LARP4B: variants seen among roughly 807,000 people sequenced by gnomAD.
LARP4B encodes the protein la-related protein 4B.
LARP4B carries 12 observed loss-of-function variants against 89.8 expected under a neutral mutation model. The observed-to-expected ratio is 0.13, with a 90% confidence interval of 0.09 to 0.22. The LOEUF (loss-of-function observed/expected upper bound fraction) is 0.22. Among genes scored for constraint, LARP4B ranks in the 10% least tolerant of loss-of-function variants. LARP4B has a pLI of 1.00. For synonymous variants in LARP4B, 367 were observed against 363.3 expected, an observed-to-expected ratio of 1.01 and a Z score of -0.12; for missense variants, 757 against 947.7, an observed-to-expected ratio of 0.80 and a Z score of 2.64.
At chr10:971,013 A>T in the LARP4B span, 1 of 152,252 alleles carries the variant, frequency 6.6e-6, no homozygotes, top group African/African-American at 2.4e-5. Context: ...AAGCAGCATT[A>T]GTGCACACGG....
chr10:807,100 G>A (rs1274249666), downstream of LARP4B: 1 of 152,236 alleles, frequency 6.6e-6, no homozygotes, highest in South Asian at 2.1e-4. Context: ...AAAAGAAAGA[G>A]CTGGAATGCC....
intron 3 of LARP4B, among the ~76,000 whole-genome samples, chr10:875,898 C>T (rs960989511): frequency 1.3e-5 from 2 of 152,204 alleles, no homozygotes; most frequent in African/African-American, 2.4e-5. Context: ...GCAAAAAATA[C>T]TCATTCCATC....
Position 833,249 on chromosome 10 carries a change from TAAAAAAAAAA to T in LARP4B, c.751-2282_751-2273del, listed in dbSNP as rs56788542. On this transcript the variant is annotated intron_variant, in intron 8 of 17. Transcript: ENST00000316157. ...AACACTAACGATAGCTGATGAGCTTTAAAAAAAAAAAAAAAAAAAAAAAAAAAAAAAAAAA... is the reference window on the plus strand; with the variant it reads ...AACACTAACGATAGCTGATGAGCTTTAAAAAAAAAAAAAAAAAAAAAAAAA... Among the ~76,000 whole-genome samples the T allele has an allele frequency of 1.8e-3, 94 of 52,040 alleles. 2 individuals carry two copies. The highest frequency in any genetic ancestry group is 8.9e-3 in the South Asian group (6 of 672). The allele number at this position is 52,040 out of a possible 152,430, so 34.1% of individuals were successfully genotyped here.
At chr10:864,394 C>A in intron 3 of LARP4B, 124 bp from the exon 4 acceptor site, 4 of 729,486 alleles carry the variant, frequency 5.5e-6, no homozygotes, top group Non-Finnish European at 8.7e-6. Flanking sequence ...TATTTATACA[C>A]ACCTTTGGAA....
rs369269083 is a variant in LARP4B at position 912,313 on chromosome 10, A to G, written c.-40+19115T>C. Among the ~76,000 whole-genome samples the G allele has an allele frequency of 3.9e-5, 6 of 152,064 alleles. No homozygotes were observed. The South Asian group carries it at 1.2e-3, about 32-fold the overall frequency. ...AAGAGAGAGAGAAAAGAAAAGAAAA[A>G]AAAATCGCAAAAAAAAAAAATCTTC... On this transcript the variant is annotated intron_variant, in intron 1 of 17. Coordinates refer to ENST00000316157, the MANE Select transcript of LARP4B (RefSeq NM_015155.3).
At position 863,358 on chromosome 10, in the gene LARP4B, G is replaced by C. The variant is rs184688256; in HGVS notation, c.430+385C>G. Reference sequence around the variant, plus strand: ...CTGCCTCAGCCTCCCAAATAGCTGGGACTACAGGCGCCCGCCACCACGCCC... The same window carrying C: ...CTGCCTCAGCCTCCCAAATAGCTGGCACTACAGGCGCCCGCCACCACGCCC... On this transcript the variant is annotated intron_variant, in intron 5 of 17. Transcript: ENST00000316157. Among the ~76,000 whole-genome samples the C allele has an allele frequency of 5.5e-3, 831 of 151,884 alleles. 6 individuals carry two copies. The highest frequency in any genetic ancestry group is 0.019 in the African/African-American group (781 of 41,482).
chr10:918,313 T>C (rs1235177874), intron 1 of LARP4B, among the ~76,000 whole-genome samples: 1 of 152,132 alleles, frequency 6.6e-6, no homozygotes, highest in Non-Finnish European at 1.5e-5. Context: ...CTTCTTCATT[T>C]TAGGTCAACA....
chr10:987,997 C>G, the LARP4B span: 1 of 154,010 alleles, frequency 6.5e-6, no homozygotes, highest in Admixed American at 6.5e-5. Context: ...GGGCACGCCC[C>G]GCACGCGCGG....
chr10:902,943 T>C (rs1212918517), intron 1 of LARP4B, among the ~76,000 whole-genome samples: 1 of 152,210 alleles, frequency 6.6e-6, no homozygotes, highest in Non-Finnish European at 1.5e-5. Context: ...GTGCCTGGCA[T>C]AAAATCTTTT....
At chr10:865,278 G>C (rs989170217) in intron 3 of LARP4B, among the ~76,000 whole-genome samples, 1 of 152,136 alleles carries the variant, frequency 6.6e-6, no homozygotes, top group Admixed American at 6.5e-5. Context: ...TGGAACATGG[G>C]CTAAACCTCA....
chr10:920,920 C>A (rs952439721), intron 1 of LARP4B, among the ~76,000 whole-genome samples: 2 of 152,116 alleles, frequency 1.3e-5, no homozygotes, highest in African/African-American at 4.8e-5. Flanking sequence ...TTAAACATTT[C>A]GTAAATATAT....
chr10:963,565 G>A, the LARP4B span, among the ~76,000 whole-genome samples: 9 of 152,160 alleles, frequency 5.9e-5, no homozygotes, highest in African/African-American at 1.9e-4. Context: ...AAAGATGAAT[G>A]GGTTATGGTC....
At chr10:969,872 G>A in the LARP4B span, among the ~76,000 whole-genome samples, 13 of 152,312 alleles carry the variant, frequency 8.5e-5, no homozygotes, top group East Asian at 1.9e-3. Flanking sequence ...ACGGGAGTTC[G>A]TGACCTGCAT....
chr10:845,450 T>C (rs1403673563), intron 5 of LARP4B, among the ~76,000 whole-genome samples: 1 of 152,064 alleles, frequency 6.6e-6, no homozygotes, highest in Non-Finnish European at 1.5e-5. Flanking sequence ...ACAACAAAGA[T>C]AACCAGCAAA....
chr10:839,847 G>A (rs1015947788), intron 7 of LARP4B, among the ~76,000 whole-genome samples: 1 of 152,156 alleles, frequency 6.6e-6, no homozygotes, highest in Non-Finnish European at 1.5e-5. Context: ...TTTTACACAA[G>A]TGTCCACAGC....
chr10:880,091 C>T (rs139876585), intron 3 of LARP4B, among the ~76,000 whole-genome samples: 70 of 152,076 alleles, frequency 4.6e-4, no homozygotes, highest in African/African-American at 1.6e-3. Context: ...GTTCTTAAAA[C>T]AGACTGACAA....
At chr10:932,586 A>C (rs1476744836), upstream of LARP4B, among the ~76,000 whole-genome samples, 5 of 36,498 alleles carry the variant, frequency 1.4e-4, no homozygotes, top group Non-Finnish European at 1.5e-4. Context: ...ACCCGGGACC[A>C]AGGCCCCGGC....
At chr10:975,619 G>A in the LARP4B span, among the ~76,000 whole-genome samples, 5 of 152,250 alleles carry the variant, frequency 3.3e-5, no homozygotes, top group Admixed American at 6.5e-5. Flanking sequence ...TGGGGTGGAC[G>A]TGACAGAAGC....
intron 15 of LARP4B, among the ~76,000 whole-genome samples, chr10:816,264 G>A (rs1832050301): frequency 6.6e-6 from 1 of 152,188 alleles, no homozygotes; most frequent in Admixed American, 6.5e-5. Flanking sequence ...CAGGATATGT[G>A]CAGTCCCAAT....
Sources: gnomAD v4.1 joint callset for allele counts (sites outside exome capture counted in the v4.1 genomes callset) on GRCh38, gnomAD v4.1.1 for gene constraint, MANE v1.5 for transcripts, NCBI Gene and HGNC (gene_info 2026-07-23, HGNC 2026-07-21) for gene names.